The following MYLK4 variants were observed in gnomAD, a reference collection of about 807,000 sequenced individuals.
The protein encoded by MYLK4 is myosin light chain kinase family member 4.
In MYLK4, 46 loss-of-function variants were observed where a neutral mutation model predicts 48.1. That is an observed-to-expected ratio of 0.96 (90% CI 0.75 to 1.22). MYLK4 has a LOEUF of 1.22. Among genes scored for constraint, MYLK4 ranks in the 50% most tolerant of loss-of-function variants. The pLI, the probability that MYLK4 is intolerant of heterozygous loss-of-function variation, is 0.00. For synonymous variants in MYLK4, 170 were observed against 180.8 expected, an observed-to-expected ratio of 0.94 and a Z score of 0.48; for missense variants, 451 against 486.1, an observed-to-expected ratio of 0.93 and a Z score of 0.68.
chr6:2,678,993 C>T (rs1009556404), intron 9 of MYLK4, among the ~76,000 whole-genome samples: 3 of 152,086 alleles, frequency 2.0e-5, no homozygotes, highest in South Asian at 2.1e-4. Context: ...TGAGCCACCG[C>T]GCCAGGCCAT....
At chr6:2,739,278 A>C (rs928279555) in intron 2 of MYLK4, among the ~76,000 whole-genome samples, 3 of 152,210 alleles carry the variant, frequency 2.0e-5, no homozygotes, top group African/African-American at 7.2e-5. Context: ...TCTTTTGTGC[A>C]GTGGTGGCTC....
the MYLK4 span, among the ~76,000 whole-genome samples, chr6:2,762,195 T>A: frequency 6.6e-6 from 1 of 152,144 alleles, no homozygotes; most frequent in Non-Finnish European, 1.5e-5. Flanking sequence ...CCGGAGTTTA[T>A]ATTAATTCTA....
At chr6:2,726,005 C>T (rs1435902507) in intron 2 of MYLK4, among the ~76,000 whole-genome samples, 4 of 152,290 alleles carry the variant, frequency 2.6e-5, no homozygotes, top group South Asian at 2.1e-4. Context: ...AGTAAGATAA[C>T]CCTGGTCTCT....
At chr6:2,766,147 CGGGGACGCGGACGCGGACGGCGAG>C in the MYLK4 span, 1 of 1,327,056 alleles carries the variant, frequency 7.5e-7, no homozygotes, top group Non-Finnish European at 9.6e-7. Context: ...GCGATGGCGA[CGGGGACGCGGACGCGGACGGCGAG>C]GACGACCCGG....
chr6:2,699,297 T>C (rs964058702), intron 2 of MYLK4, among the ~76,000 whole-genome samples: 11 of 124,614 alleles, frequency 8.8e-5, no homozygotes, highest in African/African-American at 2.2e-4. Flanking sequence ...CTTTTTTTTT[T>C]TTTTTTTTTT....
intron 2 of MYLK4, among the ~76,000 whole-genome samples, chr6:2,734,177 G>A (rs755658847): frequency 7.9e-5 from 12 of 152,182 alleles, no homozygotes; most frequent in Non-Finnish European, 1.2e-4. Context: ...GCGGGCACCT[G>A]CCAGAAGCAA....
At chr6:2,737,591 G>T (rs1244055680) in intron 2 of MYLK4, among the ~76,000 whole-genome samples, 1 of 152,190 alleles carries the variant, frequency 6.6e-6, no homozygotes, top group Non-Finnish European at 1.5e-5. Flanking sequence ...AAGAAATCAT[G>T]TGCAGAATTT....
intron 2 of MYLK4, among the ~76,000 whole-genome samples, chr6:2,705,818 A>G (rs1394928303): frequency 1.3e-5 from 2 of 152,184 alleles, no homozygotes; most frequent in South Asian, 2.1e-4. Context: ...TGTATTCCCA[A>G]CCATACAATT....
chr6:2,764,832 A>G, the MYLK4 span, among the ~76,000 whole-genome samples: 1 of 152,024 alleles, frequency 6.6e-6, no homozygotes, highest in African/African-American at 2.4e-5. Context: ...GGGACGCTTT[A>G]TTTTCATTTC....
intron 2 of MYLK4, among the ~76,000 whole-genome samples, chr6:2,729,747 C>A (rs1285250394): frequency 6.6e-6 from 1 of 152,132 alleles, no homozygotes; most frequent in Non-Finnish European, 1.5e-5. Context: ...ATTTACCCAC[C>A]AAGACCATTG....
intron 2 of MYLK4, among the ~76,000 whole-genome samples, chr6:2,735,594 A>T (rs1763642673): frequency 6.6e-6 from 1 of 152,216 alleles, no homozygotes; most frequent in Non-Finnish European, 1.5e-5. Flanking sequence ...ATACAAAGAA[A>T]TACAGAGAAT....
the MYLK4 span, among the ~76,000 whole-genome samples, chr6:2,759,280 A>C: frequency 0.019 from 2,834 of 152,154 alleles, 43 homozygotes; most frequent in African/African-American, 0.042. Context: ...TTGTTTAAAA[A>C]ATTTTTGTAG....
upstream of MYLK4, among the ~76,000 whole-genome samples, chr6:2,754,120 G>A (rs1197829537): frequency 6.6e-6 from 1 of 152,086 alleles, no homozygotes; most frequent in African/African-American, 2.4e-5. Flanking sequence ...AAAGAGGTTG[G>A]CAATTTCTTA....
At chr6:2,737,205 C>A (rs1021410703) in intron 2 of MYLK4, among the ~76,000 whole-genome samples, 1 of 152,148 alleles carries the variant, frequency 6.6e-6, no homozygotes, top group Non-Finnish European at 1.5e-5. Flanking sequence ...CCCAGCTACT[C>A]GGGAGGCAAA....
chr6:2,768,009 C>T, the MYLK4 span, among the ~76,000 whole-genome samples: 6 of 152,170 alleles, frequency 3.9e-5, no homozygotes, highest in East Asian at 1.9e-4. Context: ...TTCTTCTCAT[C>T]CTTTAGTACT....
intron 2 of MYLK4, among the ~76,000 whole-genome samples, chr6:2,694,553 A>ATG (rs1761971514): frequency 4.2e-4 from 2 of 4,732 alleles, no homozygotes; most frequent in Non-Finnish European, 8.8e-4. Flanking sequence ...TTGTGGTGGT[A>ATG]GTCGTGGTGG....
intron 2 of MYLK4, among the ~76,000 whole-genome samples, chr6:2,717,907 G>A (rs944202406): frequency 3.9e-5 from 6 of 152,152 alleles, no homozygotes; most frequent in African/African-American, 1.2e-4. Context: ...TCGGCCGGGT[G>A]CAGTGGCTCA....
chr6:2,711,878 T>C (rs1762686709), intron 2 of MYLK4, among the ~76,000 whole-genome samples: 2 of 152,310 alleles, frequency 1.3e-5, no homozygotes, highest in South Asian at 4.1e-4. Context: ...ATACAAATGA[T>C]AAATGTTTTT....
chr6:2,745,900 G>C (rs1424850800), intron 2 of MYLK4, among the ~76,000 whole-genome samples: 1 of 89,276 alleles, frequency 1.1e-5, no homozygotes, highest in Non-Finnish European at 2.7e-5. Context: ...AATCCAGCCT[G>C]GGCGACAGAG....
Sources: allele counts gnomAD v4.1 joint callset (sites outside exome capture counted in the v4.1 genomes callset), GRCh38; gene constraint gnomAD v4.1.1; transcripts MANE v1.5; gene names NCBI Gene and HGNC (gene_info 2026-07-23, HGNC 2026-07-21).